Variants in ITGAE observed in about 807,000 individuals in gnomAD.
The protein encoded by ITGAE is integrin subunit alpha E, also known as integrin alpha-E.
In ITGAE, 99 loss-of-function variants were observed where a neutral mutation model predicts 136.5. The ratio of observed to expected loss-of-function variants is 0.73; its 90% CI spans 0.62 to 0.86. The LOEUF (loss-of-function observed/expected upper bound fraction) is 0.86, where lower values mean the gene tolerates loss of function less well. Among genes scored for constraint, ITGAE ranks in the 40% least tolerant of loss-of-function variants. The probability of loss-of-function intolerance (pLI) is 0.00; values close to 1 mark genes in which losing one functional copy is unlikely to be tolerated. For missense variants in ITGAE, 1,447 were observed against 1,515.3 expected (o/e 0.95, Z 0.75); for synonymous variants, 613 against 591.8 (o/e 1.04, Z -0.52).
rs201341289 is a variant in ITGAE, at chr17:3,732,416, G to T, written c.2706C>A (p.Val902=). ...GACCAATCCTGCAGTTCATGATCAG[G>T]ACAGAAGCAACCGGCTGAGGGTCAT... The part of the protein sequence containing the change: ...QCDDPQPVAS[V]LIMNCRIGHP... Residue 902 remains valine, a synonymous_variant, in exon 22 of 31, where the codon GTC becomes GTA. Transcript: ENST00000263087. The T allele has an allele frequency of 3.7e-6, 6 of 1,614,180 alleles. No homozygotes were observed. The highest frequency in any genetic ancestry group is 5.1e-6 in the Non-Finnish European group (6 of 1,180,022).
At chr17:3,763,501 C>G (rs921572112) in intron 3 of ITGAE, among the ~76,000 whole-genome samples, 3 of 152,160 alleles carry the variant, frequency 2.0e-5, no homozygotes, top group Non-Finnish European at 4.4e-5. Flanking sequence ...AAAGTGTGAA[C>G]TTTGTCATAC....
At chr17:3,783,461 T>C (rs906697375) in intron 1 of ITGAE, among the ~76,000 whole-genome samples, 1 of 152,150 alleles carries the variant, frequency 6.6e-6, no homozygotes, top group African/African-American at 2.4e-5. Context: ...TCAAATCTTG[T>C]CTTCTCCTTT....
chr17:3,781,111 T>C (rs2052656982), intron 1 of ITGAE, among the ~76,000 whole-genome samples: 1 of 152,248 alleles, frequency 6.6e-6, no homozygotes, highest in South Asian at 2.1e-4. Flanking sequence ...TACTTTCTTA[T>C]TTATTTGTAA....
At chr17:3,755,991 G>A in intron 10 of ITGAE, 94 bp from the exon 11 acceptor site, 2 of 1,218,636 alleles carry the variant, frequency 1.6e-6, no homozygotes, top group Non-Finnish European at 2.4e-6. Flanking sequence ...ACTCCCAGAA[G>A]GAACCATGCT....
intron 2 of ITGAE, 111 bp from the exon 3 acceptor site, chr17:3,764,071 T>C: frequency 2.8e-6 from 2 of 711,066 alleles, no homozygotes; most frequent in African/African-American, 1.8e-5. Context: ...GCTCCCTGTC[T>C]GGCCGGCAGA....
rs1233322373 is a variant in ITGAE at position 3,798,164 on chromosome 17, G to A, written c.34+2947C>T. On this transcript the variant is annotated intron_variant, in intron 1 of 30. Coordinates refer to ENST00000263087, the MANE Select transcript of ITGAE (RefSeq NM_002208.5). This position sits in a 1 kb window ranked among gnomAD's most constrained non-coding sequence, Gnocchi z 4.3. ...AGCTCTCCCCCACACACTGCATTCC[G>A]GGGGCATTTCACCTTTGCTTGGGCT... 2.0e-5 allele frequency among the ~76,000 whole-genome samples: 3 copies of A among 152,296 alleles called. No homozygotes were observed. Among genetic ancestry groups the A allele is most frequent in the South Asian group, 2.1e-4 (1 of 4,828 alleles).
In ITGAE at chr17:3,714,796, G is replaced by C. The variant is rs901312844; in HGVS notation, c.*51C>G. The C allele has an allele frequency of 1.3e-5, 13 of 999,832 alleles. No individual in the cohort carries two copies. Among genetic ancestry groups the C allele is most frequent in the Non-Finnish European group, 1.9e-5 (12 of 634,114 alleles). The allele number at this position is 999,832 out of a possible 1,614,324, so 61.9% of individuals were successfully genotyped here. A position where few individuals can be genotyped will look rare whatever the true frequency, so the allele number is the denominator to read the frequency against. On this transcript the variant is annotated 3_prime_UTR_variant, in exon 31 of 31. Transcript: ENST00000263087. The stretch of plus-strand genomic sequence containing the variant: ...GAAAAAGTAATGCAAAGGATGCTGG[G>C]TCTCCAAGTCCCAGGACTGGCTGAT...
In ITGAE at chr17:3,798,042, G is replaced by A. The variant is rs890302644; in HGVS notation, c.34+3069C>T. On this transcript the variant is annotated intron_variant, in intron 1 of 30. Coordinates refer to ENST00000263087, the MANE Select transcript of ITGAE (RefSeq NM_002208.5). This position sits in a 1 kb window ranked among gnomAD's most constrained non-coding sequence, Gnocchi z 4.3. The stretch of plus-strand genomic sequence containing the variant: ...GTGGGCCTCTCGGGACTGGATGCCC[G>A]CATTCCTCCACTTATACCACACCTG... Among the ~76,000 whole-genome samples, 22 of 152,244 alleles carry A rather than the reference G, an allele frequency of 1.4e-4. No homozygotes were observed. The highest frequency in any genetic ancestry group is 1.0e-4 in the Non-Finnish European group (7 of 68,012).
chr17:3,748,088 T>G (rs2051763259), intron 16 of ITGAE, 36 bp from the exon 17 acceptor site: 1 of 1,590,572 alleles, frequency 6.3e-7, no homozygotes, highest in East Asian at 2.3e-5. Context: ...GAGAAGTGAC[T>G]GCTCAGCCTC....
rs1003199588 is a variant in ITGAE at position 3,799,001 on chromosome 17, G to C, written c.34+2110C>G. Among the ~76,000 whole-genome samples the C allele has an allele frequency of 6.6e-6, 1 of 152,180 alleles. No individual in the cohort carries two copies. Among genetic ancestry groups the C allele is most frequent in the African/African-American group, 2.4e-5 (1 of 41,424 alleles). On this transcript the variant is annotated intron_variant, in intron 1 of 30. Transcript: ENST00000263087. The surrounding 1 kb of genome is among the most constrained non-coding windows in gnomAD (Gnocchi z 4.1). ...AGGCATCACCAGAGTGGCTGGCCTG[G>C]AGAGAGTGGAAGGTCAGGGCCAGGC...
chr17:3,787,119 CT>C (rs1404244746), intron 1 of ITGAE, among the ~76,000 whole-genome samples: 8 of 146,928 alleles, frequency 5.4e-5, no homozygotes, highest in South Asian at 2.2e-4. Flanking sequence ...TTTTTTTTTC[CT>C]TTTTTTTTTG....
In ITGAE at chr17:3,761,999, C is replaced by G. The variant is rs780680407; in HGVS notation, c.248-17G>C. On this transcript the variant is annotated splice_polypyrimidine_tract_variant and intron_variant, in intron 3 of 30. Transcript: ENST00000263087. ...GGACATGCTCTGAAAAAGTTAAGCCCAGGTGAGGAGGAGGAGGGGACTCTG... is the reference window on the plus strand; with the variant it reads ...GGACATGCTCTGAAAAAGTTAAGCCGAGGTGAGGAGGAGGAGGGGACTCTG... The G allele has an allele frequency of 1.9e-6, 3 of 1,611,636 alleles. No individual in the cohort carries two copies. The South Asian group carries it at 3.3e-5, about 18-fold the overall frequency.
chr17:3,779,221 C>T (rs1028782851), intron 1 of ITGAE, among the ~76,000 whole-genome samples: 1 of 152,138 alleles, frequency 6.6e-6, no homozygotes, highest in African/African-American at 2.4e-5. Context: ...GTGCATGTCA[C>T]TGTATGTAAA....
At chr17:3,728,915 A>G (rs1395305123) in intron 24 of ITGAE, among the ~76,000 whole-genome samples, 4 of 151,882 alleles carry the variant, frequency 2.6e-5, no homozygotes, top group Non-Finnish European at 1.5e-5. Context: ...GTCCACCTGT[A>G]GTCTCAACTA....
intron 26 of ITGAE, chr17:3,726,212 GA>G (rs1353773860): frequency 6.2e-7 from 1 of 1,614,166 alleles, no homozygotes; most frequent in Non-Finnish European, 8.5e-7. Context: ...TGACCTTCAA[GA>G]CTAAATGTAA....
At chr17:3,748,143 T>C in intron 16 of ITGAE, 91 bp from the exon 17 acceptor site, 1 of 1,304,390 alleles carries the variant, frequency 7.7e-7, no homozygotes, top group Non-Finnish European at 1.1e-6. Context: ...AATGGTTCTC[T>C]ATCAAACATG....
At chr17:3,771,910 C>T (rs2052433138) in intron 2 of ITGAE, among the ~76,000 whole-genome samples, 1 of 152,110 alleles carries the variant, frequency 6.6e-6, no homozygotes, top group East Asian at 1.9e-4. Flanking sequence ...ACCTTTAATT[C>T]ATCTTCGTGC....
intron 2 of ITGAE, among the ~76,000 whole-genome samples, chr17:3,774,544 A>G (rs543070391): frequency 6.6e-6 from 1 of 152,270 alleles, no homozygotes; most frequent in African/African-American, 2.4e-5. Flanking sequence ...TGGGCAGGTC[A>G]TTTGAGGTCA....
rs147012720 is a variant in ITGAE, at chr17:3,719,870, G to A, written c.3333+437C>T. Among the ~76,000 whole-genome samples, 201 of 152,210 alleles carry A rather than the reference G, an allele frequency of 1.3e-3. 1 individual carries two copies. Among genetic ancestry groups the A allele is most frequent in the Non-Finnish European group, 2.3e-3 (154 of 68,032 alleles). On this transcript the variant is annotated intron_variant, in intron 29 of 30. Coordinates refer to ENST00000263087, the MANE Select transcript of ITGAE (RefSeq NM_002208.5). The stretch of plus-strand genomic sequence containing the variant: ...AGCCTCCCAAGTAGGTGGGATTACA[G>A]GCACCCACCATCATGTCCGGCTAAT...
Sources: gnomAD v4.1 joint callset for allele counts (sites outside exome capture counted in the v4.1 genomes callset) on GRCh38, gnomAD v4.1.1 for gene constraint, Gnocchi (gnomAD v3.1) non-coding constraint, MANE v1.5 for transcripts, NCBI Gene and HGNC (gene_info 2026-07-23, HGNC 2026-07-21) for gene names.